The following PCDHA1 variants were observed in gnomAD, a reference collection of about 807,000 sequenced individuals.
PCDHA1 encodes protocadherin alpha-1.
PCDHA1 carries 42 observed loss-of-function variants against 61.3 expected under a neutral mutation model. The observed-to-expected ratio is 0.69, with a 90% CI of 0.54 to 0.89. The LOEUF (loss-of-function observed/expected upper bound fraction) is 0.89. PCDHA1 is among the 40% of genes least tolerant of loss of function. PCDHA1 has a pLI of 0.00. For synonymous variants in PCDHA1, 610 were observed against 553.8 expected (o/e 1.10, Z -1.43); for missense variants, 1,256 against 1,235.3 (o/e 1.02, Z -0.25).
At chr5:140,967,291 C>T (rs782682819) in intron 1 of PCDHA1, 11 of 1,612,754 alleles carry the variant, frequency 6.8e-6, no homozygotes, top group South Asian at 1.1e-5. Context: ...CGCAGGACCC[C>T]GACGTGGGCG....
At chr5:140,912,061 C>T (rs1321149990) in intron 1 of PCDHA1, among the ~76,000 whole-genome samples, 2 of 152,162 alleles carry the variant, frequency 1.3e-5, no homozygotes, top group Non-Finnish European at 2.9e-5. Context: ...AACTTGGAGT[C>T]CAATGTTCAA....
At chr5:140,833,777 A>C (rs2150211299) in intron 1 of PCDHA1, among the ~76,000 whole-genome samples, 1 of 152,046 alleles carries the variant, frequency 6.6e-6, no homozygotes, top group South Asian at 2.1e-4. Flanking sequence ...CCGCTTTCTA[A>C]GTTTCTCTTT....
At chr5:140,999,877 G>C (rs1194481133) in intron 3 of PCDHA1, among the ~76,000 whole-genome samples, 1 of 152,152 alleles carries the variant, frequency 6.6e-6, no homozygotes, top group Non-Finnish European at 1.5e-5. Flanking sequence ...CTGAAAATTA[G>C]CCCAGCTGTA....
intron 1 of PCDHA1, among the ~76,000 whole-genome samples, chr5:140,955,987 A>T (rs1185683030): frequency 6.6e-6 from 1 of 152,198 alleles, no homozygotes; most frequent in Non-Finnish European, 1.5e-5. Context: ...CAATTTTTGC[A>T]CATTGATTTT....
intron 1 of PCDHA1, chr5:140,967,964 G>T: frequency 6.2e-7 from 1 of 1,614,210 alleles, no homozygotes. Flanking sequence ...CAACCGGAAA[G>T]TGAGCCTGGG....
At chr5:140,993,431 C>T (rs1171497178) in intron 3 of PCDHA1, among the ~76,000 whole-genome samples, 1 of 149,406 alleles carries the variant, frequency 6.7e-6, no homozygotes, top group African/African-American at 2.5e-5. Context: ...TTTTAAAATC[C>T]TTATTCATTC....
At chr5:140,875,987 TAA>T (rs781909320) in intron 1 of PCDHA1, 4 of 1,613,914 alleles carry the variant, frequency 2.5e-6, no homozygotes, top group Admixed American at 1.7e-5. Context: ...ACCTATGCGT[TAA>T]GTCTAAATGA....
intron 1 of PCDHA1, among the ~76,000 whole-genome samples, chr5:140,978,653 G>T (rs527551897): frequency 6.6e-6 from 1 of 152,196 alleles, no homozygotes; most frequent in Non-Finnish European, 1.5e-5. Flanking sequence ...TGTTCTTCCC[G>T]TAGTGTTTTA....
intron 1 of PCDHA1, chr5:140,796,608 C>T: frequency 6.2e-7 from 1 of 1,613,702 alleles, no homozygotes; most frequent in Non-Finnish European, 8.5e-7. Context: ...TGGGCAGCAA[C>T]GTGACGCTGC....
chr5:140,967,641 T>C (rs2096165933), intron 1 of PCDHA1: 1 of 1,614,004 alleles, frequency 6.2e-7, no homozygotes, highest in East Asian at 2.2e-5. Context: ...AATGGTGAGC[T>C]CAGGTACTCC....
chr5:140,961,007 T>C (rs2095583572), intron 1 of PCDHA1, among the ~76,000 whole-genome samples: 1 of 152,230 alleles, frequency 6.6e-6, no homozygotes, highest in Non-Finnish European at 1.5e-5. Context: ...GCTGCTGGAC[T>C]GCATGGACAC....
chr5:140,826,859 G>T (rs1313241483), intron 1 of PCDHA1, among the ~76,000 whole-genome samples: 3 of 152,092 alleles, frequency 2.0e-5, no homozygotes, highest in Non-Finnish European at 4.4e-5. Flanking sequence ...CAATTTCTAG[G>T]TTTAGTAAAA....
chr5:140,818,742 G>T (rs2150102273), intron 1 of PCDHA1, among the ~76,000 whole-genome samples: 1 of 152,326 alleles, frequency 6.6e-6, no homozygotes, highest in South Asian at 2.1e-4. Flanking sequence ...GGAGGCTGAA[G>T]TTGGAGGATG....
chr5:140,797,319 G>A lies in PCDHA1; in HGVS notation c.2394+8635G>A, dbSNP rs934751886. 3.1e-6 allele frequency: 5 copies of A among 1,614,100 alleles called. No individual in the cohort carries two copies. In the South Asian group the frequency reaches 5.5e-5, roughly 18 times the overall value. ...CTCAAGGTCCAGACTCCGCAGAAGA[G>A]AAACAGCTCTCAGAATCAGAATACG... On this transcript the variant is annotated intron_variant, in intron 1 of 3. Coordinates refer to ENST00000504120, the MANE Select transcript of PCDHA1 (RefSeq NM_018900.4).
intron 1 of PCDHA1, among the ~76,000 whole-genome samples, chr5:140,887,915 C>T (rs566586212): frequency 6.6e-6 from 1 of 152,290 alleles, no homozygotes; most frequent in Non-Finnish European, 1.5e-5. Flanking sequence ...GTGTATTCTT[C>T]ATTTCAGAGA....
intron 1 of PCDHA1, chr5:140,841,504 G>T (rs2150316836): frequency 1.2e-6 from 2 of 1,613,362 alleles, no homozygotes; most frequent in East Asian, 4.5e-5. Context: ...AGCTGGTGCC[G>T]CGCCTGTTCC....
intron 1 of PCDHA1, among the ~76,000 whole-genome samples, chr5:140,885,621 T>G (rs528108703): frequency 1.3e-5 from 2 of 152,188 alleles, no homozygotes; most frequent in Non-Finnish European, 2.9e-5. Context: ...ATAAAATATG[T>G]CACTGGATTG....
intron 1 of PCDHA1, chr5:140,851,387 TA>T: frequency 2.1e-6 from 2 of 974,684 alleles, no homozygotes; most frequent in Non-Finnish European, 2.5e-6. Context: ...CAACCTTCAG[TA>T]TCTATTATTT....
chr5:140,836,758 G>T, intron 1 of PCDHA1: 2 of 1,572,510 alleles, frequency 1.3e-6, no homozygotes, highest in South Asian at 2.4e-5. Flanking sequence ...AAATAATCTT[G>T]TTTCCAACAA....
Sources: allele counts gnomAD v4.1 joint callset (sites outside exome capture counted in the v4.1 genomes callset), GRCh38; gene constraint gnomAD v4.1.1; transcripts MANE v1.5; gene names NCBI Gene and HGNC (gene_info 2026-07-23, HGNC 2026-07-21).